The following ASB14 variants were observed in gnomAD, a reference collection of about 807,000 sequenced individuals.
ASB14 encodes the protein ankyrin repeat and SOCS box protein 14.
In ASB14, 63 loss-of-function variants were observed where a neutral mutation model predicts 55.6. That is an observed-to-expected ratio of 1.13 (90% CI 0.92 to 1.40). The LOEUF is 1.40. ASB14 is among the 40% of genes most tolerant of loss of function. ASB14 has a pLI of 0.00. For synonymous variants in ASB14, 256 were observed against 259.9 expected (o/e 0.98, Z 0.15); for missense variants, 724 against 710.4 (o/e 1.02, Z -0.22).
rs758740363 is a variant in ASB14, at chr3:57,287,972, G to A, written c.398C>T (p.Ala133Val). ...LAVSSCLLEN[A>V]TFLLLNGCNP... ...GCAGCCATTGAGAAGAAGAAAAGTG[G>A]CATTTTCTAAGAGGCAACTGCTGAC... Residue 133 changes from alanine (A) to valine (V), a missense_variant, in exon 5 of 11, where the codon GCC (alanine) becomes GTC (valine). Coordinates refer to ENST00000487349, the MANE Select transcript of ASB14 (RefSeq NM_001142733.3). The A allele has an allele frequency of 6.5e-6, 10 of 1,537,262 alleles. No homozygotes were observed. The South Asian group carries it at 1.1e-4, about 16-fold the overall frequency.
At chr3:57,274,088 T>A (rs1404479893) in intron 10 of ASB14, among the ~76,000 whole-genome samples, 1 of 152,110 alleles carries the variant, frequency 6.6e-6, no homozygotes, top group Non-Finnish European at 1.5e-5. Context: ...TTTTTTAATG[T>A]AAAAAAACTA....
At chr3:57,278,997 C>G (rs1272222326) in intron 7 of ASB14, 77 bp from the exon 8 acceptor site, 1 of 1,383,486 alleles carries the variant, frequency 7.2e-7, no homozygotes, top group Admixed American at 1.9e-5. Flanking sequence ...TGTTTTATAG[C>G]AATACTAGAT....
At chr3:57,271,643 C>T (rs927480105) in intron 10 of ASB14, 5 of 152,218 alleles carry the variant, frequency 3.3e-5, no homozygotes, top group African/African-American at 1.2e-4. Context: ...GGCAGCTTTA[C>T]TAAGCTGGTG....
rs1218566230 is a variant in ASB14, at chr3:57,275,099, A to G, written c.*22+1429T>C. On this transcript the variant is annotated intron_variant, in intron 10 of 10. Transcript: ENST00000487349. Reference sequence around the variant, plus strand: ...ATTCAGTCCAATCACTGAAATGTACAGTAGGCCCCTTATCGCTGGTTTCCC... The same window carrying G: ...ATTCAGTCCAATCACTGAAATGTACGGTAGGCCCCTTATCGCTGGTTTCCC... Among the ~76,000 whole-genome samples the G allele has an allele frequency of 2.6e-5, 4 of 152,220 alleles. No individual in the cohort carries two copies. In the East Asian group the frequency reaches 7.7e-4, roughly 29 times the overall value.
At chr3:57,275,321 G>A (rs894725234) in intron 10 of ASB14, among the ~76,000 whole-genome samples, 6 of 151,942 alleles carry the variant, frequency 3.9e-5, no homozygotes, top group Non-Finnish European at 7.4e-5. Context: ...GCATGGTGGT[G>A]TACACCTGTA....
chr3:57,287,935 A>C lies in ASB14; in HGVS notation c.435T>G (p.Ala145=), dbSNP rs1049071354. ...GAGGAGAATTGCCTTCGAAATTCTTAGCATTTGGATTGCAGCCATTGAGAA... is the reference window on the plus strand; with the variant it reads ...GAGGAGAATTGCCTTCGAAATTCTTCGCATTTGGATTGCAGCCATTGAGAA... ...FLLLNGCNPN[A]KNFEGNSPLL... is the part of the protein sequence containing the mutation. The change falls in exon 5 of 11, where the codon GCT becomes GCG. Residue 145 remains alanine (A), a synonymous_variant. Transcript: ENST00000487349. The C allele has an allele frequency of 4.6e-6, 7 of 1,537,180 alleles. No individual in the cohort carries two copies. Among genetic ancestry groups the C allele is most frequent in the Non-Finnish European group, 5.2e-6 (6 of 1,146,912 alleles).
chr3:57,289,722 T>C (rs1181113478), intron 2 of ASB14, among the ~76,000 whole-genome samples: 2 of 142,278 alleles, frequency 1.4e-5, no homozygotes, highest in African/African-American at 5.0e-5. Context: ...AGATGGAGTC[T>C]GTCTCTGTCG....
chr3:57,280,073 T>C (rs557663449), intron 7 of ASB14, among the ~76,000 whole-genome samples: 1 of 145,030 alleles, frequency 6.9e-6, no homozygotes, highest in Admixed American at 7.5e-5. Context: ...ACTCTTTCAC[T>C]GGATACCTAT....
intron 10 of ASB14, chr3:57,270,977 C>T (rs537409289): frequency 1.4e-3 from 206 of 152,124 alleles, no homozygotes; most frequent in African/African-American, 4.8e-3. Flanking sequence ...ACTTTTAACA[C>T]TGCTAATAGA....
chr3:57,280,517 C>T, intron 6 of ASB14, 44 bp from the exon 7 acceptor site: 1 of 1,503,824 alleles, frequency 6.6e-7, no homozygotes, highest in Non-Finnish European at 9.0e-7. Flanking sequence ...TTATTTTCCA[C>T]TGTATTTCTT....
intron 9 of ASB14, 109 bp from the exon 10 acceptor site, chr3:57,276,837 G>T: frequency 9.9e-7 from 1 of 1,013,242 alleles, no homozygotes; most frequent in Non-Finnish European, 1.4e-6. Flanking sequence ...GTTACTAAAT[G>T]GCAAAGTCAA....
intron 5 of ASB14, among the ~76,000 whole-genome samples, chr3:57,283,796 C>A (rs1380602645): frequency 6.6e-6 from 1 of 150,634 alleles, no homozygotes; most frequent in Non-Finnish European, 1.5e-5. Flanking sequence ...AGAAAAAAAA[C>A]AAACAAAAGA....
At chr3:57,281,116 C>T (rs1283184210) in intron 6 of ASB14, among the ~76,000 whole-genome samples, 1 of 152,150 alleles carries the variant, frequency 6.6e-6, no homozygotes, top group East Asian at 1.9e-4. Flanking sequence ...CTTACAAGTC[C>T]CAAATCCAGA....
In ASB14 at chr3:57,292,075, A is replaced by G. The variant is rs1260531718; in HGVS notation, c.-42T>C. 2.6e-6 allele frequency: 4 copies of G among 1,518,650 alleles called. No homozygotes were observed. Among genetic ancestry groups the G allele is most frequent in the African/African-American group, 1.4e-5 (1 of 72,376 alleles). 94.1% of individuals were successfully genotyped at this position (1,518,650 alleles called of 1,614,324 possible). On this transcript the variant is annotated 5_prime_UTR_variant, in exon 2 of 11. Coordinates refer to ENST00000487349, the MANE Select transcript of ASB14 (RefSeq NM_001142733.3). Reference sequence around the variant, plus strand: ...TTTACTTTAAAGTCAGAGTGAATTAAAAGTATTTTTCCAGTTGTGAAGAGA... The same window carrying G: ...TTTACTTTAAAGTCAGAGTGAATTAGAAGTATTTTTCCAGTTGTGAAGAGA...
chr3:57,278,002 G>A, intron 8 of ASB14, 82 bp from the exon 9 acceptor site: 1 of 1,284,080 alleles, frequency 7.8e-7, no homozygotes. Flanking sequence ...CAAAGGAGAT[G>A]TGGTGTGATG....
At position 57,289,131 on chromosome 3, in the gene ASB14, G is replaced by T. The variant is rs1057089202; in HGVS notation, c.123-8C>A. 5 of 1,514,012 alleles carry T rather than the reference G, an allele frequency of 3.3e-6. No individual in the cohort carries two copies. The African/African-American group carries it at 6.9e-5, about 21-fold the overall frequency. The allele number at this position is 1,514,012 out of a possible 1,614,324, so 93.8% of individuals were successfully genotyped here. A position where few individuals can be genotyped will look rare whatever the true frequency, so the allele number is the denominator to read the frequency against. On this transcript the variant is annotated splice_polypyrimidine_tract_variant and splice_region_variant and intron_variant, in intron 2 of 10. Coordinates refer to ENST00000487349, the MANE Select transcript of ASB14 (RefSeq NM_001142733.3). ...CTCAAAAAGGAATGCAAACTGCAAA[G>T]AAAAAAATACATATGTAATTCCAAA...
At chr3:57,270,940 T>A (rs1318736249) in intron 10 of ASB14, 1 of 152,156 alleles carries the variant, frequency 6.6e-6, no homozygotes, top group Admixed American at 6.6e-5. Context: ...ATTGTTTATG[T>A]TAAACCTTAA....
intron 7 of ASB14, among the ~76,000 whole-genome samples, chr3:57,279,851 G>C (rs1262708001): frequency 6.6e-6 from 1 of 152,096 alleles, no homozygotes; most frequent in Admixed American, 6.5e-5. Context: ...AGATAAGTTA[G>C]TTTACTTAGG....
At position 57,268,517 on chromosome 3, in the gene ASB14, G is replaced by A; in HGVS notation, c.*1124C>T. 1 of 1,549,494 alleles carries A rather than the reference G, an allele frequency of 6.5e-7. No individual in the cohort carries two copies. The highest frequency in any genetic ancestry group is 8.7e-7 in the Non-Finnish European group (1 of 1,153,626). The stretch of plus-strand genomic sequence containing the variant: ...ACAGTCCTAATGTCTGGATCTTTAT[G>A]TGTTGTTTGTGAAGACTTAATTCAG... On this transcript the variant is annotated 3_prime_UTR_variant, in exon 11 of 11. Coordinates refer to ENST00000487349, the MANE Select transcript of ASB14 (RefSeq NM_001142733.3).
Sources: gnomAD v4.1 joint callset for allele counts (sites outside exome capture counted in the v4.1 genomes callset) on GRCh38, gnomAD v4.1.1 for gene constraint, MANE v1.5 for transcripts, NCBI Gene and HGNC (gene_info 2026-07-23, HGNC 2026-07-21) for gene names.